Variants in MLPH observed in about 807,000 individuals in gnomAD.
The protein encoded by MLPH is melanophilin, also known as exophilin-3.
In MLPH, 51 loss-of-function variants were observed where a neutral mutation model predicts 72.1. The observed-to-expected ratio is 0.71, with a 90% CI of 0.56 to 0.89. The LOEUF is 0.89. MLPH is among the 40% of genes least tolerant of loss of function. The pLI, the probability that MLPH is intolerant of heterozygous loss-of-function variation, is 0.00. For synonymous variants in MLPH, 301 were observed against 310.1 expected, an observed-to-expected ratio of 0.97 and a Z score of 0.31; for missense variants, 743 against 759.9, an observed-to-expected ratio of 0.98 and a Z score of 0.26.
In MLPH at chr2:237,525,738, C is replaced by A. The variant is rs1375773135; in HGVS notation, c.813C>A (p.Gly271=). ...CCAGCATCTCACCTTCCAGACACGG[C>A]GCCCTGGCTGAGCTCTGCCCGCCTG... The part of the protein sequence containing the change: ...QPTSISPSRH[G]ALAELCPPGG... Residue 271 remains glycine (G), a synonymous_variant, in exon 7 of 16, where the codon GGC becomes GGA. Coordinates refer to ENST00000264605, the MANE Select transcript of MLPH (RefSeq NM_024101.7). The A allele has an allele frequency of 9.3e-6, 15 of 1,613,908 alleles. No individual in the cohort carries two copies. Among genetic ancestry groups the A allele is most frequent in the Non-Finnish European group, 1.3e-5 (15 of 1,180,048 alleles).
chr2:237,546,737 C>A (rs2080927296), intron 13 of MLPH, 54 bp downstream of exon 13: 3 of 1,479,186 alleles, frequency 2.0e-6, no homozygotes, highest in Non-Finnish European at 2.8e-6. Context: ...GAAGACTGCA[C>A]CCCTTTCCAG....
rs778835186 is a variant in MLPH at position 237,540,837 on chromosome 2, A to C, written c.1326A>C (p.Glu442Asp). ...GTAAHQTNRQEKSPQDPGDPV... is the reference protein window; with the variant it reads ...GTAAHQTNRQDKSPQDPGDPV... ...CTGCCCATCAAACCAACAGACAGGA[A>C]AAAAGCCCCCAGGACCCTGGGGACC... Residue 442 changes from glutamate (E) to aspartate (D), a missense_variant, in exon 11 of 16, where the codon GAA (glutamate) becomes GAC (aspartate). Transcript: ENST00000264605. The C allele has an allele frequency of 6.2e-7, 1 of 1,613,412 alleles. No homozygotes were observed. Among genetic ancestry groups the C allele is most frequent in the African/African-American group, 1.3e-5 (1 of 75,054 alleles).
At chr2:237,540,725 T>C (rs1316127887) in intron 10 of MLPH, 77 bp from the exon 11 acceptor site, 1 of 1,575,832 alleles carries the variant, frequency 6.3e-7, no homozygotes, top group African/African-American at 1.3e-5. Flanking sequence ...GAGAGCAATA[T>C]CGTGGTGAGT....
rs2081053910 is a variant in MLPH at position 237,552,216 on chromosome 2, T to C, written c.1676-121T>C. 22 of 730,208 alleles carry C rather than the reference T, an allele frequency of 3.0e-5. No individual in the cohort carries two copies. The South Asian group carries it at 3.4e-4, about 11-fold the overall frequency. The allele number at this position is 730,208 out of a possible 1,614,324, so 45.2% of individuals were successfully genotyped here. ...TTTAAAAAATATGTGATGTGGAAGC[T>C]TCTTAAAAGGGGATATGTCCATTTT... On this transcript the variant is annotated intron_variant, in intron 14 of 15. Transcript: ENST00000264605.
At chr2:237,488,814 A>G (rs1486180196) in intron 1 of MLPH, among the ~76,000 whole-genome samples, 1 of 152,202 alleles carries the variant, frequency 6.6e-6, no homozygotes, top group Admixed American at 6.5e-5. Context: ...CTAATGGGAA[A>G]AGTGAAATTG....
chr2:237,538,358 AC>A (rs1260139667), intron 9 of MLPH, among the ~76,000 whole-genome samples: 2 of 152,224 alleles, frequency 1.3e-5, no homozygotes, highest in African/African-American at 4.8e-5. Context: ...GCAGGGACAG[AC>A]GACTGAGGTT....
At chr2:237,496,293 G>C (rs911190636) in intron 2 of MLPH, among the ~76,000 whole-genome samples, 1 of 152,180 alleles carries the variant, frequency 6.6e-6, no homozygotes, top group Non-Finnish European at 1.5e-5. Flanking sequence ...GAGCAAGTGG[G>C]GCCTGGGGGT....
intron 1 of MLPH, among the ~76,000 whole-genome samples, chr2:237,489,348 T>C (rs1381170390): frequency 6.6e-6 from 1 of 152,184 alleles, no homozygotes; most frequent in East Asian, 1.9e-4. Flanking sequence ...CAGAACACCC[T>C]CCCAGTGCTG....
At position 237,493,493 on chromosome 2, in the gene MLPH, C is replaced by G. The variant is rs1023314669; in HGVS notation, c.67C>G (p.Gln23Glu). The change falls in exon 2 of 16, where the codon CAA becomes GAA. Residue 23 changes from glutamine to glutamate, a missense_variant. Physicochemically the swap from Gln to Glu is conservative, Grantham distance 29. Transcript: ENST00000264605. ...EEAQHVLEVV[Q>E]RDFDLRRKEE... is the part of the protein sequence containing the mutation. ...GGCCCAGCATGTCTTGGAAGTTGTT[C>G]AACGAGATTTTGACCTCCGAAGGAA... 2.5e-6 allele frequency: 4 copies of G among 1,614,030 alleles called. No individual in the cohort carries two copies. Among genetic ancestry groups the G allele is most frequent in the Non-Finnish European group, 3.4e-6 (4 of 1,179,944 alleles).
intron 8 of MLPH, among the ~76,000 whole-genome samples, chr2:237,534,148 T>G (rs1238246798): frequency 6.6e-6 from 1 of 152,234 alleles, no homozygotes; most frequent in Non-Finnish European, 1.5e-5. Context: ...AGCCCACTAG[T>G]GACCCCAGGC....
chr2:237,542,856 C>G (rs191688691), intron 12 of MLPH, among the ~76,000 whole-genome samples, 197 bp downstream of exon 12: 14 of 12,728 alleles, frequency 1.1e-3, no homozygotes, highest in East Asian at 3.3e-3. Flanking sequence ...TGGTGAGTGG[C>G]GGACAGTGGT....
intron 5 of MLPH, among the ~76,000 whole-genome samples, chr2:237,518,984 C>T (rs1276031729): frequency 6.6e-6 from 1 of 152,134 alleles, no homozygotes; most frequent in Non-Finnish European, 1.5e-5. Context: ...GGAGGGCTCT[C>T]GAGGGTCCTG....
At chr2:237,517,305 G>A (rs2080058496) in intron 4 of MLPH, among the ~76,000 whole-genome samples, 1 of 151,106 alleles carries the variant, frequency 6.6e-6, no homozygotes. Context: ...ATGGATGGAT[G>A]GATGAACGGA....
rs140935611 is a variant in MLPH at position 237,498,784 on chromosome 2, G to C, written c.110+5248G>C. Among the ~76,000 whole-genome samples the C allele has an allele frequency of 1.7e-3, 264 of 152,334 alleles. 2 individuals carry two copies. The highest frequency in any genetic ancestry group is 3.1e-3 in the Non-Finnish European group (213 of 68,028). ...TGGGAGGGCTGTTCCTGCCTCCCAC[G>C]AGGACACAGTGCTGTGCACCATAGA... On this transcript the variant is annotated intron_variant, in intron 2 of 15. Transcript: ENST00000264605.
At position 237,553,894 on chromosome 2, in the gene MLPH, C is replaced by T. The variant is rs565812235; in HGVS notation, c.*302C>T. 2.6e-5 allele frequency: 15 copies of T among 568,124 alleles called. No individual in the cohort carries two copies. The highest frequency in any genetic ancestry group is 1.4e-4 in the South Asian group (8 of 55,770). 35.2% of individuals were successfully genotyped at this position (568,124 alleles called of 1,614,324 possible). A position where few individuals can be genotyped will look rare whatever the true frequency, so the allele number is the denominator to read the frequency against. On this transcript the variant is annotated 3_prime_UTR_variant, in exon 16 of 16. Coordinates refer to ENST00000264605, the MANE Select transcript of MLPH (RefSeq NM_024101.7). ...TTGTGTAAATCTTTGAAGGACACACCGAAGACCTTTATACTGTGATCTTTT... is the reference window on the plus strand; with the variant it reads ...TTGTGTAAATCTTTGAAGGACACACTGAAGACCTTTATACTGTGATCTTTT...
At chr2:237,501,108 G>A (rs900836512) in intron 2 of MLPH, among the ~76,000 whole-genome samples, 6 of 152,090 alleles carry the variant, frequency 3.9e-5, no homozygotes, top group Admixed American at 6.5e-5. Flanking sequence ...CCTCCTTAGC[G>A]CTTCTCCAAT....
In MLPH at chr2:237,510,924, T is replaced by G; in HGVS notation, c.333-65T>G. The G allele has an allele frequency of 2.8e-6, 4 of 1,452,712 alleles. No homozygotes were observed. The highest frequency in any genetic ancestry group is 3.9e-6 in the Non-Finnish European group (4 of 1,035,572). 90.0% of individuals were successfully genotyped at this position (1,452,712 alleles called of 1,614,324 possible). ...TCGTGTGTGTGTGTGTGTGTGTGTG[T>G]GAGATTTATGCAGGCCTGTGTACAG... On this transcript the variant is annotated intron_variant, in intron 3 of 15. Coordinates refer to ENST00000264605, the MANE Select transcript of MLPH (RefSeq NM_024101.7). The surrounding 1 kb of genome is among the most constrained non-coding windows in gnomAD (Gnocchi z 4.4).
At position 237,518,909 on chromosome 2, in the gene MLPH, C is replaced by A. The variant is rs116774715; in HGVS notation, c.555+261C>A. ...TGGGCAAAGCCTACTGAGTGTGTGG[C>A]CAGAGTCTGGGGGCACACGGGTGTA... On this transcript the variant is annotated intron_variant, in intron 5 of 15. Transcript: ENST00000264605. 2.2e-3 allele frequency among the ~76,000 whole-genome samples: 335 copies of A among 152,264 alleles called. 1 individual carries two copies. Among genetic ancestry groups the A allele is most frequent in the African/African-American group, 7.5e-3 (310 of 41,550 alleles).
chr2:237,546,667 C>T lies in MLPH; in HGVS notation c.1601C>T (p.Pro534Leu), dbSNP rs1168068101. 1.2e-6 allele frequency: 2 copies of T among 1,614,170 alleles called. No homozygotes were observed. The highest frequency in any genetic ancestry group is 1.7e-6 in the Non-Finnish European group (2 of 1,179,994). ...AGACCAGAGGACCCAAATGCAGACC[C>T]TTCAAGTGAGGCCAAGGTATGTGTT... ...GKRPEDPNAD[P>L]SSEAKAMAVP... Residue 534 changes from proline (P) to leucine (L), a missense_variant, in exon 13 of 16, where the codon CCT (proline) becomes CTT (leucine). Physicochemically the swap from Pro to Leu is moderately conservative, Grantham distance 98. Transcript: ENST00000264605.
Sources: allele counts gnomAD v4.1 joint callset (sites outside exome capture counted in the v4.1 genomes callset), GRCh38; gene constraint gnomAD v4.1.1; non-coding constraint Gnocchi (gnomAD v3.1); transcripts MANE v1.5; gene names NCBI Gene and HGNC (gene_info 2026-07-23, HGNC 2026-07-21).